The following RAB38 variants were observed in gnomAD, a reference collection of about 807,000 sequenced individuals.
RAB38 encodes the protein ras-related protein Rab-38.
Under a neutral mutation model 18.4 loss-of-function variants are expected in RAB38, and 15 were observed. The ratio of observed to expected loss-of-function variants is 0.82; its 90% CI spans 0.55 to 1.26. The LOEUF (loss-of-function observed/expected upper bound fraction) is 1.26, where lower values mean the gene tolerates loss of function less well. Among genes scored for constraint, RAB38 ranks in the 50% most tolerant of loss-of-function variants. The probability of loss-of-function intolerance (pLI) is 0.00; values close to 1 mark genes in which losing one functional copy is unlikely to be tolerated. For missense variants in RAB38, 294 were observed against 267.4 expected (o/e 1.10, Z -0.69); for synonymous variants, 101 against 104.4 (o/e 0.97, Z 0.20).
At chr11:87,911,751 GTAGT>G in the RAB38 span, among the ~76,000 whole-genome samples, 2 of 151,872 alleles carry the variant, frequency 1.3e-5, no homozygotes, top group African/African-American at 2.4e-5. Context: ...CATAATTATA[GTAGT>G]TAGTGTAAGT....
the RAB38 span, among the ~76,000 whole-genome samples, chr11:87,812,448 G>T: frequency 6.6e-6 from 1 of 152,128 alleles, no homozygotes; most frequent in African/African-American, 2.4e-5. Context: ...AGTTTCTAAG[G>T]CTGAAGGAGA....
the RAB38 span, among the ~76,000 whole-genome samples, chr11:88,043,138 G>A: frequency 3.3e-5 from 5 of 152,148 alleles, no homozygotes; most frequent in Non-Finnish European, 7.3e-5. Flanking sequence ...GACCATCTCT[G>A]CGAGACATTT....
the RAB38 span, among the ~76,000 whole-genome samples, chr11:87,849,322 C>T: frequency 6.6e-6 from 1 of 152,118 alleles, no homozygotes; most frequent in African/African-American, 2.4e-5. Flanking sequence ...CTTCCCTCAT[C>T]CTTCTACTTT....
chr11:88,124,073 C>A (rs1270661839), intron 2 of RAB38, among the ~76,000 whole-genome samples: 1 of 152,066 alleles, frequency 6.6e-6, no homozygotes, highest in African/African-American at 2.4e-5. Context: ...AATAATGTTA[C>A]CTTGGGTGAA....
chr11:87,873,793 C>CTG, the RAB38 span, among the ~76,000 whole-genome samples: 1 of 150,744 alleles, frequency 6.6e-6, no homozygotes, highest in Admixed American at 6.6e-5. Context: ...TCTTAACTCT[C>CTG]TGTTATAAAT....
the RAB38 span, among the ~76,000 whole-genome samples, chr11:87,860,918 G>T: frequency 6.6e-6 from 1 of 151,778 alleles, no homozygotes; most frequent in Admixed American, 6.6e-5. Flanking sequence ...ATAAGGCCGA[G>T]ATATCAGTTC....
the RAB38 span, among the ~76,000 whole-genome samples, chr11:88,042,759 A>T: frequency 6.6e-6 from 1 of 152,172 alleles, no homozygotes; most frequent in South Asian, 2.1e-4. Flanking sequence ...CCTGGAATGA[A>T]CCAAGGGTTC....
chr11:87,865,206 G>A, the RAB38 span, among the ~76,000 whole-genome samples: 1 of 151,676 alleles, frequency 6.6e-6, no homozygotes. Context: ...ATATACTCAT[G>A]CCTGGAACCT....
At chr11:88,064,324 C>T in the RAB38 span, among the ~76,000 whole-genome samples, 18 of 152,182 alleles carry the variant, frequency 1.2e-4, no homozygotes, top group Non-Finnish European at 2.4e-4. Context: ...TTTCCAACTC[C>T]TCTTCTAGTT....
the RAB38 span, among the ~76,000 whole-genome samples, chr11:88,005,492 A>G: frequency 1.3e-5 from 2 of 151,382 alleles, no homozygotes; most frequent in Non-Finnish European, 3.0e-5. Context: ...ATTGTTTTTT[A>G]TTAATTAAAA....
chr11:87,901,163 T>TC, the RAB38 span, among the ~76,000 whole-genome samples: 22 of 151,676 alleles, frequency 1.5e-4, no homozygotes, highest in African/African-American at 5.3e-4. Flanking sequence ...GGTGTATGCC[T>TC]CCTTTATAAA....
the RAB38 span, among the ~76,000 whole-genome samples, chr11:88,099,462 C>A: frequency 6.6e-6 from 1 of 151,854 alleles, no homozygotes; most frequent in Non-Finnish European, 1.5e-5. Context: ...AGAAAGAGAA[C>A]TTCAAATAGA....
At chr11:87,955,873 G>GCACACA in the RAB38 span, among the ~76,000 whole-genome samples, 1,233 of 148,598 alleles carry the variant, frequency 8.3e-3, 18 homozygotes, top group African/African-American at 0.028. Flanking sequence ...CAAACAGTAT[G>GCACACA]CACACACACA....
At chr11:88,132,761 G>C (rs1942781035) in intron 2 of RAB38, among the ~76,000 whole-genome samples, 1 of 152,028 alleles carries the variant, frequency 6.6e-6, no homozygotes, top group Admixed American at 6.6e-5. Flanking sequence ...GCCCAGCCTA[G>C]ATGTTTTACT....
At chr11:88,015,373 T>A in the RAB38 span, among the ~76,000 whole-genome samples, 2 of 152,294 alleles carry the variant, frequency 1.3e-5, no homozygotes, top group East Asian at 3.9e-4. Context: ...TTACTTTTAG[T>A]CTCAGATCCA....
In RAB38 at chr11:88,175,171, C is replaced by A. The variant is rs768049415; in HGVS notation, c.202+12G>T. On this transcript the variant is annotated intron_variant, in intron 1 of 2. Transcript: ENST00000243662. ...GCGCTCTATCCCCCTGACCCCCTCCCCCCGCGCTCACCTGCGATATCCCAG... is the reference window on the plus strand; with the variant it reads ...GCGCTCTATCCCCCTGACCCCCTCCACCCGCGCTCACCTGCGATATCCCAG... 6.3e-7 allele frequency: 1 copy of A among 1,585,478 alleles called. No homozygotes were observed.
At chr11:87,977,835 TCATG>T in the RAB38 span, among the ~76,000 whole-genome samples, 3 of 105,256 alleles carry the variant, frequency 2.9e-5, no homozygotes, top group African/African-American at 7.4e-5. Context: ...TCCTATATAA[TCATG>T]TATATTAATG....
the RAB38 span, among the ~76,000 whole-genome samples, chr11:87,956,790 A>T: frequency 6.6e-6 from 1 of 152,094 alleles, no homozygotes; most frequent in Non-Finnish European, 1.5e-5. Flanking sequence ...CCAGAGGAGT[A>T]CTGCACCAAA....
At chr11:87,953,985 T>A in the RAB38 span, among the ~76,000 whole-genome samples, 1 of 152,252 alleles carries the variant, frequency 6.6e-6, no homozygotes, top group African/African-American at 2.4e-5. Context: ...AGGAAAGACA[T>A]TCCAGCAGGA....
Sources: allele counts gnomAD v4.1 joint callset (sites outside exome capture counted in the v4.1 genomes callset), GRCh38; gene constraint gnomAD v4.1.1; transcripts MANE v1.5; gene names NCBI Gene and HGNC (gene_info 2026-07-23, HGNC 2026-07-21).